PTPRD: variants seen among roughly 807,000 people sequenced by gnomAD.
The protein encoded by PTPRD is receptor-type tyrosine-protein phosphatase delta.
Under a neutral mutation model 214.5 loss-of-function variants are expected in PTPRD, and 34 were observed. The ratio of observed to expected loss-of-function variants is 0.16; its 90% confidence interval spans 0.12 to 0.21. The LOEUF (loss-of-function observed/expected upper bound fraction) is 0.21, where lower values mean the gene tolerates loss of function less well. Among genes scored for constraint, PTPRD ranks in the 10% least tolerant of loss-of-function variants. The pLI is 1.00. For synonymous variants in PTPRD, 1,128 were observed against 845.7 expected, an observed-to-expected ratio of 1.33 and a Z score of -5.79; for missense variants, 2,545 against 2,398.7, an observed-to-expected ratio of 1.06 and a Z score of -1.27.
chr9:9,519,985 C>A (rs1042736903), intron 8 of PTPRD, among the ~76,000 whole-genome samples: 1 of 151,940 alleles, frequency 6.6e-6, no homozygotes, highest in East Asian at 1.9e-4. Context: ...TGGAAAAGTA[C>A]AGAGCCTGAA....
chr9:10,255,356 T>C (rs989822568), intron 3 of PTPRD, among the ~76,000 whole-genome samples: 6 of 152,208 alleles, frequency 3.9e-5, no homozygotes, highest in Admixed American at 2.0e-4. Context: ...CTGTATAGCA[T>C]GTTAATACTG....
intron 5 of PTPRD, among the ~76,000 whole-genome samples, chr9:9,795,211 T>G (rs147283835): frequency 5.9e-4 from 90 of 152,354 alleles, no homozygotes; most frequent in African/African-American, 1.9e-3. Context: ...AAAGGCCACA[T>G]GTATTTGGAG....
At chr9:8,491,428 A>C (rs960364083) in intron 27 of PTPRD, among the ~76,000 whole-genome samples, 5 of 152,182 alleles carry the variant, frequency 3.3e-5, no homozygotes, top group Non-Finnish European at 7.3e-5. Context: ...GACCCCATTT[A>C]ATGGGCAACA....
At chr9:9,819,416 G>C (rs2049941315) in intron 5 of PTPRD, among the ~76,000 whole-genome samples, 1 of 152,110 alleles carries the variant, frequency 6.6e-6, no homozygotes. Flanking sequence ...ATTCACCTTT[G>C]GTTTAAGGAC....
intron 11 of PTPRD, among the ~76,000 whole-genome samples, chr9:8,971,070 C>A (rs1246319261): frequency 4.6e-5 from 7 of 151,654 alleles, no homozygotes; most frequent in Non-Finnish European, 1.0e-4. Context: ...TGTCACAATT[C>A]TTTTCTTCTA....
intron 9 of PTPRD, among the ~76,000 whole-genome samples, chr9:9,270,473 A>C (rs756707514): frequency 6.6e-6 from 1 of 151,264 alleles, no homozygotes; most frequent in Non-Finnish European, 1.5e-5. Flanking sequence ...CATGTAACAA[A>C]GTGCTGAGGT....
At chr9:9,963,634 A>G (rs2094498798) in intron 4 of PTPRD, among the ~76,000 whole-genome samples, 1 of 152,174 alleles carries the variant, frequency 6.6e-6, no homozygotes, top group Non-Finnish European at 1.5e-5. Context: ...AAATTTGGGT[A>G]GGTAGAGACA....
intron 22 of PTPRD, among the ~76,000 whole-genome samples, chr9:8,505,632 AAAAAAAAAAAAAAG>A (rs2097528855): frequency 6.7e-6 from 1 of 149,922 alleles, no homozygotes; most frequent in Non-Finnish European, 1.5e-5. Context: ...CTCAAAAAAA[AAAAAAAAAAAAAAG>A]AAGAAGAAGA....
At chr9:9,798,221 C>T (rs2099016406) in intron 5 of PTPRD, among the ~76,000 whole-genome samples, 3 of 152,098 alleles carry the variant, frequency 2.0e-5, no homozygotes, top group Non-Finnish European at 2.9e-5. Flanking sequence ...TCATTCCTCA[C>T]TAGATTTATG....
chr9:10,022,787 T>C (rs1217448946), intron 4 of PTPRD, among the ~76,000 whole-genome samples: 1 of 152,218 alleles, frequency 6.6e-6, no homozygotes, highest in Non-Finnish European at 1.5e-5. Context: ...AAATGCTGAA[T>C]TCCCATTTTA....
chr9:9,760,512 G>A (rs751475873), intron 6 of PTPRD, among the ~76,000 whole-genome samples: 1 of 150,188 alleles, frequency 6.7e-6, no homozygotes, highest in Admixed American at 6.7e-5. Context: ...TGCTTCTCAG[G>A]ACTTCGGACT....
chr9:10,601,801 T>A (rs867826771), intron 2 of PTPRD, among the ~76,000 whole-genome samples: 18 of 151,710 alleles, frequency 1.2e-4, no homozygotes, highest in Admixed American at 2.6e-4. Context: ...TCCATGAAGG[T>A]CTCCAGTGGA....
chr9:9,600,727 A>G (rs967169600), intron 7 of PTPRD, among the ~76,000 whole-genome samples: 2 of 152,098 alleles, frequency 1.3e-5, no homozygotes, highest in African/African-American at 2.4e-5. Context: ...TTGAATAACA[A>G]TTATAACAGA....
chr9:10,315,538 C>A (rs776546057), intron 3 of PTPRD, among the ~76,000 whole-genome samples: 10 of 151,844 alleles, frequency 6.6e-5, no homozygotes, highest in Non-Finnish European at 1.0e-4. Flanking sequence ...TAACTCAAAA[C>A]CAAATTTCTG....
chr9:8,323,941 G>A (rs1241429068), intron 44 of PTPRD, among the ~76,000 whole-genome samples: 2 of 152,132 alleles, frequency 1.3e-5, no homozygotes, highest in Non-Finnish European at 2.9e-5. Flanking sequence ...GTCACTTGAT[G>A]TGGCAAACTT....
chr9:10,031,285 G>A (rs958056609), intron 4 of PTPRD, among the ~76,000 whole-genome samples: 8 of 152,026 alleles, frequency 5.3e-5, no homozygotes, highest in African/African-American at 1.9e-4. Flanking sequence ...TTGGATTGAA[G>A]GATGCAAGTA....
intron 21 of PTPRD, among the ~76,000 whole-genome samples, chr9:8,514,321 G>C (rs2097743196): frequency 6.6e-6 from 1 of 151,962 alleles, no homozygotes; most frequent in Admixed American, 6.6e-5. Context: ...ATTAGGTTTA[G>C]GAAAAATTTT....
intron 2 of PTPRD, among the ~76,000 whole-genome samples, chr9:10,462,713 G>GA (rs939493943): frequency 2.0e-5 from 3 of 146,622 alleles, no homozygotes; most frequent in East Asian, 2.0e-4. Flanking sequence ...ATATCTAAAG[G>GA]AAAAAAAAGA....
intron 2 of PTPRD, among the ~76,000 whole-genome samples, chr9:10,519,865 C>T (rs78504347): frequency 0.01 from 1,545 of 152,032 alleles, 39 homozygotes; most frequent in African/African-American, 0.035. Context: ...ATGTGTGTTC[C>T]GACTGTTCCA....
Sources: gnomAD v4.1 joint callset for allele counts (sites outside exome capture counted in the v4.1 genomes callset) on GRCh38, gnomAD v4.1.1 for gene constraint, MANE v1.5 for transcripts, NCBI Gene and HGNC (gene_info 2026-07-23, HGNC 2026-07-21) for gene names.